AFF3: variants seen among roughly 807,000 people sequenced by gnomAD.
The protein encoded by AFF3 is ALF transcription elongation factor 3.
A neutral mutation model predicts 129.7 loss-of-function variants in AFF3; 32 were observed. The observed-to-expected ratio is 0.25, with a 90% CI of 0.19 to 0.33. The LOEUF (loss-of-function observed/expected upper bound fraction) is 0.33, where lower values mean the gene tolerates loss of function less well. Among genes scored for constraint, AFF3 ranks in the 10% least tolerant of loss-of-function variants. The pLI is 1.00. For missense variants in AFF3, 1,373 were observed against 1,592.0 expected (o/e 0.86, Z 2.34); for synonymous variants, 644 against 635.4 (o/e 1.01, Z -0.20).
chr2:100,029,672 A>G lies in AFF3; in HGVS notation c.54-20740T>C, dbSNP rs557080182. Among the ~76,000 whole-genome samples the G allele has an allele frequency of 3.9e-5, 6 of 152,334 alleles. No individual in the cohort carries two copies. In the East Asian group the frequency reaches 1.2e-3, roughly 29 times the overall value. On this transcript the variant is annotated intron_variant, in intron 4 of 24. Coordinates refer to ENST00000672756, the MANE Select transcript of AFF3 (RefSeq NM_001386135.1). ...TAGGGGATGCAGGGAGTGGGAAAAC[A>G]GCATTTGTTGTTTAATAGATATAAT...
At chr2:99,633,865 C>T (rs1296169789) in intron 13 of AFF3, among the ~76,000 whole-genome samples, 1 of 151,328 alleles carries the variant, frequency 6.6e-6, no homozygotes, top group African/African-American at 2.4e-5. Context: ...ACTTCCTGTA[C>T]AGCCTGCAGA....
chr2:99,635,276 A>T (rs1360346965), intron 13 of AFF3, among the ~76,000 whole-genome samples: 1 of 152,008 alleles, frequency 6.6e-6, no homozygotes. Flanking sequence ...TATATATCAT[A>T]TATACATATC....
intron 8 of AFF3, among the ~76,000 whole-genome samples, chr2:99,825,118 C>G (rs962552474): frequency 6.6e-6 from 1 of 152,128 alleles, no homozygotes; most frequent in African/African-American, 2.4e-5. Flanking sequence ...GGCACATCCA[C>G]ACATCAGATT....
rs1353331223 is a variant in AFF3 at position 100,112,087 on chromosome 2, C to T, written c.-144-6504G>A. 2.0e-5 allele frequency among the ~76,000 whole-genome samples: 3 copies of T among 152,216 alleles called. No individual in the cohort carries two copies. The East Asian group carries it at 5.8e-4, about 29-fold the overall frequency. On this transcript the variant is annotated intron_variant, in intron 2 of 24. Coordinates refer to ENST00000672756, the MANE Select transcript of AFF3 (RefSeq NM_001386135.1). The stretch of plus-strand genomic sequence containing the variant: ...AATTAGAGCTCAGCTTTGCTGAACT[C>T]CTTCTATTGGTCCTCCATATATTGA...
At chr2:100,044,778 CA>C (rs1685699897) in intron 4 of AFF3, among the ~76,000 whole-genome samples, 1 of 151,850 alleles carries the variant, frequency 6.6e-6, no homozygotes, top group African/African-American at 2.4e-5. Flanking sequence ...ATGGATGTGC[CA>C]AAGAAAACTG....
At chr2:100,072,183 C>G (rs1378639588) in intron 4 of AFF3, among the ~76,000 whole-genome samples, 1 of 152,172 alleles carries the variant, frequency 6.6e-6, no homozygotes, top group Non-Finnish European at 1.5e-5. Flanking sequence ...GGCCGCACAG[C>G]AGGAGGTGAG....
intron 8 of AFF3, among the ~76,000 whole-genome samples, chr2:99,794,013 T>C (rs1328294428): frequency 1.3e-5 from 2 of 152,234 alleles, no homozygotes; most frequent in East Asian, 3.8e-4. Context: ...ATTTCTTCTT[T>C]GACACATGGA....
At chr2:99,942,120 T>C (rs532663734) in intron 7 of AFF3, among the ~76,000 whole-genome samples, 1 of 152,292 alleles carries the variant, frequency 6.6e-6, no homozygotes, top group South Asian at 2.1e-4. Flanking sequence ...GTTCAGCACT[T>C]ACTGAGTGCC....
chr2:99,785,302 A>T (rs1684709480), intron 8 of AFF3, among the ~76,000 whole-genome samples: 1 of 152,214 alleles, frequency 6.6e-6, no homozygotes, highest in East Asian at 1.9e-4. Flanking sequence ...AATCTATGTT[A>T]CTACCTTAGT....
intron 8 of AFF3, among the ~76,000 whole-genome samples, chr2:99,821,570 G>A (rs1488439192): frequency 6.6e-6 from 1 of 152,188 alleles, no homozygotes; most frequent in Non-Finnish European, 1.5e-5. Context: ...ATTCAAAGCC[G>A]TCCTGGGCTG....
intron 7 of AFF3, among the ~76,000 whole-genome samples, chr2:99,966,487 G>A (rs1026455672): frequency 5.9e-5 from 9 of 151,296 alleles, no homozygotes; most frequent in Non-Finnish European, 1.0e-4. Flanking sequence ...TCAGGAGATC[G>A]AGACCATCCC....
intron 8 of AFF3, among the ~76,000 whole-genome samples, chr2:99,832,974 T>A (rs1558895142): frequency 6.6e-6 from 1 of 152,208 alleles, no homozygotes; most frequent in Non-Finnish European, 1.5e-5. Context: ...GCCTGCCTGG[T>A]CTGAAGCAGG....
At chr2:100,020,258 T>C (rs1296092339) in intron 4 of AFF3, among the ~76,000 whole-genome samples, 2 of 152,118 alleles carry the variant, frequency 1.3e-5, no homozygotes, top group East Asian at 3.9e-4. Context: ...ACCATGAGAT[T>C]GTGGTCTCCC....
intron 4 of AFF3, among the ~76,000 whole-genome samples, chr2:100,070,164 T>C (rs1335596839): frequency 1.3e-5 from 2 of 152,186 alleles, no homozygotes; most frequent in African/African-American, 4.8e-5. Context: ...TGGATTTCTG[T>C]ATTCCTAGTT....
chr2:99,887,467 A>T (rs2106054783), intron 7 of AFF3, among the ~76,000 whole-genome samples: 1 of 152,332 alleles, frequency 6.6e-6, no homozygotes, highest in Non-Finnish European at 1.5e-5. Flanking sequence ...TAGTTTATGA[A>T]GCTGATTATC....
Position 100,007,281 on chromosome 2 carries a change from G to T in AFF3, c.354C>A (p.Ala118=), listed in dbSNP as rs138245031. 2.9e-4 allele frequency: 475 copies of T among 1,614,058 alleles called. 1 individual carries two copies. Among genetic ancestry groups the T allele is most frequent in the Non-Finnish European group, 3.7e-4 (431 of 1,180,028 alleles). Residue 118 remains alanine (A), a synonymous_variant, in exon 6 of 25, where the codon GCC becomes GCA. Coordinates refer to ENST00000672756, the MANE Select transcript of AFF3 (RefSeq NM_001386135.1). ...IDEHFVADSR[A]QNQPSSICST... is the part of the protein sequence containing the mutation. ...TACAGATAGACGAGGGCTGGTTCTG[G>T]GCTCTTGAATCTGCAACAAAATGTT...
At chr2:99,963,042 C>T (rs62149272) in intron 7 of AFF3, among the ~76,000 whole-genome samples, 14,125 of 151,560 alleles carry the variant, frequency 0.093, 905 homozygotes, top group Non-Finnish European at 0.13. Flanking sequence ...TTAAAAGCAG[C>T]CAAAGAGAAA....
rs1674062461 is a variant in AFF3, at chr2:99,545,953, G to A, written c.*5521C>T. 9.4e-6 allele frequency: 2 copies of A among 212,504 alleles called. No individual in the cohort carries two copies. The highest frequency in any genetic ancestry group is 7.0e-5 in the East Asian group (1 of 14,246). 13.2% of individuals were successfully genotyped at this position (212,504 alleles called of 1,614,324 possible). ...CATATACAGAATAATCTGGACAAAG[G>A]GAACACAAATCTCAAGTCTGAACAT... is the stretch of plus-strand genomic sequence containing the variant. On this transcript the variant is annotated 3_prime_UTR_variant, in exon 25 of 25. Transcript: ENST00000672756.
intron 7 of AFF3, among the ~76,000 whole-genome samples, chr2:99,874,263 A>G (rs973872790): frequency 6.6e-6 from 1 of 152,276 alleles, no homozygotes. Flanking sequence ...ACTTCAGAGC[A>G]TGTCTTCTTA....
Sources: allele counts gnomAD v4.1 joint callset (sites outside exome capture counted in the v4.1 genomes callset), GRCh38; gene constraint gnomAD v4.1.1; transcripts MANE v1.5; gene names NCBI Gene and HGNC (gene_info 2026-07-23, HGNC 2026-07-21).